SGCZ: variants seen among roughly 807,000 people sequenced by gnomAD.
SGCZ encodes the protein sarcoglycan zeta.
A neutral mutation model predicts 41.3 loss-of-function variants in SGCZ; 40 were observed. The ratio of observed to expected loss-of-function variants is 0.97; its 90% CI spans 0.75 to 1.26. SGCZ has a LOEUF of 1.26. SGCZ is among the 50% of genes most tolerant of loss of function. SGCZ has a pLI of 0.00. For missense variants in SGCZ, 552 were observed against 369.8 expected (o/e 1.49, Z -4.04); for synonymous variants, 206 against 137.5 (o/e 1.50, Z -3.49).
At chr8:14,906,720 AG>A (rs1799129057) in intron 1 of SGCZ, among the ~76,000 whole-genome samples, 1 of 152,236 alleles carries the variant, frequency 6.6e-6, no homozygotes, top group South Asian at 2.1e-4. Flanking sequence ...ACTTGGCGTG[AG>A]GCACACACAG....
chr8:14,449,737 C>G (rs973241324), intron 2 of SGCZ, among the ~76,000 whole-genome samples: 8 of 152,096 alleles, frequency 5.3e-5, no homozygotes, highest in Non-Finnish European at 1.0e-4. Flanking sequence ...CTGCAGTTGA[C>G]CAGATGCTAA....
At chr8:14,845,803 T>C (rs1803080651) in intron 1 of SGCZ, among the ~76,000 whole-genome samples, 1 of 152,048 alleles carries the variant, frequency 6.6e-6, no homozygotes, top group Non-Finnish European at 1.5e-5. Context: ...AAAAAGAAAC[T>C]ACCAGATTAC....
At position 14,087,134 on chromosome 8, in the gene SGCZ, A is replaced by G. The variant is rs1400537793; in HGVS notation, c.*3309T>C. Among the ~76,000 whole-genome samples, 1 of 151,702 alleles carries G rather than the reference A, an allele frequency of 6.6e-6. No individual in the cohort carries two copies. Among genetic ancestry groups the G allele is most frequent in the Non-Finnish European group, 1.5e-5 (1 of 67,742 alleles). ...GTGTATAATTGTCTTAAACTCTTAG[A>G]TAAATAATTATGTGCCAAATTATAA... On this transcript the variant is annotated 3_prime_UTR_variant, in exon 8 of 8. Coordinates refer to ENST00000382080, the MANE Select transcript of SGCZ (RefSeq NM_139167.4).
chr8:14,596,516 T>C (rs1193480197), intron 1 of SGCZ, among the ~76,000 whole-genome samples: 2 of 152,218 alleles, frequency 1.3e-5, no homozygotes, highest in African/African-American at 4.8e-5. Context: ...TAAAAGGTTA[T>C]AGAAATGTCT....
At chr8:14,155,296 G>T (rs1033551547) in intron 5 of SGCZ, among the ~76,000 whole-genome samples, 2 of 151,990 alleles carry the variant, frequency 1.3e-5, no homozygotes, top group Non-Finnish European at 2.9e-5. Flanking sequence ...ATATAATATA[G>T]AAGTTTTTTT....
At chr8:14,232,848 C>T (rs1478034) in intron 4 of SGCZ, among the ~76,000 whole-genome samples, 240 of 151,972 alleles carry the variant, frequency 1.6e-3, no homozygotes, top group African/African-American at 5.4e-3. Context: ...AATACAAGAT[C>T]CTATTTAAAG....
intron 1 of SGCZ, among the ~76,000 whole-genome samples, chr8:15,012,654 T>C (rs376981503): frequency 7.9e-6 from 1 of 127,340 alleles, no homozygotes; most frequent in Non-Finnish European, 1.6e-5. Flanking sequence ...CTATATATAA[T>C]ATATAATATA....
chr8:14,550,594 G>T (rs972184266), intron 2 of SGCZ, among the ~76,000 whole-genome samples: 1 of 151,808 alleles, frequency 6.6e-6, no homozygotes, highest in Admixed American at 6.6e-5. Flanking sequence ...TATGAACCTT[G>T]GTGTTCAGAA....
At chr8:14,642,426 A>G (rs1807057628) in intron 1 of SGCZ, among the ~76,000 whole-genome samples, 1 of 151,572 alleles carries the variant, frequency 6.6e-6, no homozygotes, top group Non-Finnish European at 1.5e-5. Flanking sequence ...ATGATTTGAA[A>G]GATTCTCTTC....
chr8:14,316,203 A>T (rs1801709563), intron 3 of SGCZ, among the ~76,000 whole-genome samples: 1 of 151,994 alleles, frequency 6.6e-6, no homozygotes. Flanking sequence ...ATAAAATATT[A>T]AGGGAAAAGT....
intron 1 of SGCZ, among the ~76,000 whole-genome samples, chr8:15,123,475 C>T (rs188384975): frequency 1.3e-5 from 2 of 152,048 alleles, no homozygotes; most frequent in African/African-American, 4.8e-5. Flanking sequence ...GACTATTAGA[C>T]CAGAGGAGAT....
intron 1 of SGCZ, among the ~76,000 whole-genome samples, chr8:14,747,754 C>A (rs1240391524): frequency 6.9e-6 from 1 of 144,692 alleles, no homozygotes; most frequent in Non-Finnish European, 1.5e-5. Context: ...TCATTCTGTC[C>A]CAGGCTGGAG....
chr8:15,080,375 C>T (rs545676212), intron 1 of SGCZ, among the ~76,000 whole-genome samples: 39 of 152,138 alleles, frequency 2.6e-4, no homozygotes, highest in Non-Finnish European at 5.0e-4. Context: ...AGGAAGTCCA[C>T]GGAAGTTCCT....
At chr8:14,108,590 G>A (rs796985110) in intron 5 of SGCZ, among the ~76,000 whole-genome samples, 18 of 152,026 alleles carry the variant, frequency 1.2e-4, no homozygotes, top group African/African-American at 3.9e-4. Context: ...AGAACATTAT[G>A]GGGGAAACCA....
intron 3 of SGCZ, among the ~76,000 whole-genome samples, chr8:14,285,521 T>C (rs564198649): frequency 1.4e-4 from 21 of 152,068 alleles, no homozygotes; most frequent in Non-Finnish European, 1.9e-4. Context: ...TGAGGTAAAA[T>C]GTATGTATTC....
At chr8:15,144,596 G>C (rs1296697249) in intron 1 of SGCZ, among the ~76,000 whole-genome samples, 1 of 151,974 alleles carries the variant, frequency 6.6e-6, no homozygotes, top group Non-Finnish European at 1.5e-5. Context: ...TGAGTAGCTT[G>C]GAATACAGGC....
chr8:15,038,340 G>C (rs933874233), intron 1 of SGCZ, among the ~76,000 whole-genome samples: 9 of 152,092 alleles, frequency 5.9e-5, no homozygotes, highest in Admixed American at 5.2e-4. Context: ...AAGTTTGCAA[G>C]AACACAAAAT....
chr8:14,885,952 A>C (rs1453984745), intron 1 of SGCZ, among the ~76,000 whole-genome samples: 1 of 138,824 alleles, frequency 7.2e-6, no homozygotes, highest in African/African-American at 2.7e-5. Flanking sequence ...ATTTCTGTAC[A>C]GTCTGTCTTT....
chr8:15,105,588 T>C (rs112191444), intron 1 of SGCZ, among the ~76,000 whole-genome samples: 2,361 of 152,114 alleles, frequency 0.016, 57 homozygotes, highest in African/African-American at 0.052. Flanking sequence ...AGGTAGAAAG[T>C]CTGCCCCATG....
Sources: allele counts gnomAD v4.1 joint callset (sites outside exome capture counted in the v4.1 genomes callset), GRCh38; gene constraint gnomAD v4.1.1; transcripts MANE v1.5; gene names NCBI Gene and HGNC (gene_info 2026-07-23, HGNC 2026-07-21).